The following ZBBX variants were observed in gnomAD, a reference collection of about 807,000 sequenced individuals.
The protein encoded by ZBBX is zinc finger B-box domain containing.
Under a neutral mutation model 108.5 loss-of-function variants are expected in ZBBX, and 101 were observed. The ratio of observed to expected loss-of-function variants is 0.93; its 90% CI spans 0.79 to 1.10. The LOEUF (loss-of-function observed/expected upper bound fraction) is 1.10. ZBBX is among the 50% of genes least tolerant of loss of function. ZBBX has a pLI of 0.00. For synonymous variants in ZBBX, 356 were observed against 323.4 expected, an observed-to-expected ratio of 1.10 and a Z score of -1.08; for missense variants, 1,009 against 941.4, an observed-to-expected ratio of 1.07 and a Z score of -0.94.
chr3:167,219,845 A>C, the ZBBX span, among the ~76,000 whole-genome samples: 1 of 151,958 alleles, frequency 6.6e-6, no homozygotes, highest in Admixed American at 6.6e-5. Context: ...GGTAAACAAA[A>C]TCAATAAACC....
At chr3:167,243,429 G>C (rs949682268) in intron 20 of ZBBX, among the ~76,000 whole-genome samples, 1 of 150,936 alleles carries the variant, frequency 6.6e-6, no homozygotes, top group Admixed American at 6.6e-5. Flanking sequence ...ACAGAATTTC[G>C]GTCTTGTTGC....
In ZBBX at chr3:167,397,493, C is replaced by T. The variant is rs185383065; in HGVS notation, c.-446+10233G>A. On this transcript the variant is annotated intron_variant, in intron 1 of 21. Coordinates refer to the ZBBX transcript ENST00000455345. ...GATTATTCCCTTACTTTATCTTCTT[C>T]GAAAGATTGCCTGGTCTCATATATT... Among the ~76,000 whole-genome samples, 27 of 151,830 alleles carry T rather than the reference C, an allele frequency of 1.8e-4. No homozygotes were observed. The East Asian group carries it at 3.1e-3, about 18-fold the overall frequency.
At chr3:167,192,907 T>G in the ZBBX span, among the ~76,000 whole-genome samples, 1 of 152,228 alleles carries the variant, frequency 6.6e-6, no homozygotes, top group Non-Finnish European at 1.5e-5. Flanking sequence ...GAGTTTACTT[T>G]AAACTGCTAT....
the ZBBX span, among the ~76,000 whole-genome samples, chr3:167,188,025 C>G: frequency 1.3e-5 from 2 of 151,914 alleles, no homozygotes; most frequent in Non-Finnish European, 2.9e-5. Context: ...ACATTAAAGA[C>G]AAACAGGAAA....
chr3:167,325,149 T>C (rs1737130446), intron 11 of ZBBX, among the ~76,000 whole-genome samples: 1 of 152,146 alleles, frequency 6.6e-6, no homozygotes, highest in Non-Finnish European at 1.5e-5. Flanking sequence ...CTTTCCAAAC[T>C]CGTGTGATAC....
intron 9 of ZBBX, among the ~76,000 whole-genome samples, chr3:167,349,898 G>A (rs1246427039): frequency 6.6e-6 from 1 of 151,942 alleles, no homozygotes; most frequent in Non-Finnish European, 1.5e-5. Context: ...ACTTGACAGG[G>A]TTTGAGTTTA....
chr3:167,314,053 A>G lies in ZBBX; in HGVS notation c.1338T>C (p.His446=). The G allele has an allele frequency of 2.5e-6, 4 of 1,607,228 alleles. No individual in the cohort carries two copies. The highest frequency in any genetic ancestry group is 3.4e-6 in the Non-Finnish European group (4 of 1,176,602). Residue 446 remains histidine, a synonymous_variant, in exon 16 of 22, where the codon CAT becomes CAC. Transcript: ENST00000675490. ...FPYENGIHQH[H]VFDKGKRDFL... ...AGTCTCTCTTTCCCTTATCGAAAAC[A>G]TGATGTTGATGGATGCCATTTTCAT...
intron 20 of ZBBX, among the ~76,000 whole-genome samples, chr3:167,274,483 G>A (rs975178639): frequency 2.0e-5 from 3 of 152,154 alleles, no homozygotes; most frequent in Non-Finnish European, 4.4e-5. Flanking sequence ...GGTCTGAAGA[G>A]AAAAGATTAT....
chr3:167,225,771 C>T, the ZBBX span, among the ~76,000 whole-genome samples: 1 of 151,770 alleles, frequency 6.6e-6, no homozygotes, highest in Non-Finnish European at 1.5e-5. Flanking sequence ...CCACAGTACT[C>T]CATCACCTGG....
intron 8 of ZBBX, among the ~76,000 whole-genome samples, chr3:167,355,964 A>G (rs1473720520): frequency 6.6e-6 from 1 of 151,950 alleles, no homozygotes; most frequent in African/African-American, 2.4e-5. Flanking sequence ...CTTGTCTGGG[A>G]CATCCTTCTT....
chr3:167,398,902 G>T (rs2108641774), intron 1 of ZBBX, among the ~76,000 whole-genome samples: 1 of 152,066 alleles, frequency 6.6e-6, no homozygotes, highest in Non-Finnish European at 1.5e-5. Flanking sequence ...TCTATTCATG[G>T]ATTAATAGAT....
intron 20 of ZBBX, among the ~76,000 whole-genome samples, chr3:167,276,015 G>A (rs1727505109): frequency 6.6e-6 from 1 of 152,142 alleles, no homozygotes; most frequent in Non-Finnish European, 1.5e-5. Flanking sequence ...CCCAGCAGGG[G>A]CAGACTGACA....
chr3:167,390,844 A>T (rs375085405), intron 1 of ZBBX, among the ~76,000 whole-genome samples: 7 of 152,142 alleles, frequency 4.6e-5, no homozygotes, highest in African/African-American at 1.7e-4. Context: ...TTGCATCCTG[A>T]GACTTTGCTG....
At chr3:167,391,584 G>A (rs879600692) in intron 1 of ZBBX, among the ~76,000 whole-genome samples, 2 of 151,930 alleles carry the variant, frequency 1.3e-5, no homozygotes, top group Non-Finnish European at 2.9e-5. Context: ...TTGTACCTCT[G>A]GTAGAATTTA....
At chr3:167,235,552 A>C (rs1284880661), downstream of ZBBX, among the ~76,000 whole-genome samples, 2 of 151,490 alleles carry the variant, frequency 1.3e-5, no homozygotes, top group African/African-American at 4.8e-5. Flanking sequence ...ATTCTTCTGG[A>C]TAGAAAGCAA....
At chr3:167,258,464 T>G (rs1428698532) in intron 20 of ZBBX, among the ~76,000 whole-genome samples, 1 of 152,190 alleles carries the variant, frequency 6.6e-6, no homozygotes, top group Non-Finnish European at 1.5e-5. Flanking sequence ...AGTGATAGTT[T>G]GCCTTCGTCT....
chr3:167,191,922 T>TAGAGAGAGAG, the ZBBX span, among the ~76,000 whole-genome samples: 14 of 123,986 alleles, frequency 1.1e-4, no homozygotes, highest in African/African-American at 3.9e-4. Flanking sequence ...TATATATATA[T>TAGAGAGAGAG]ATATATATAT....
the ZBBX span, among the ~76,000 whole-genome samples, chr3:167,205,896 T>A: frequency 1.3e-5 from 2 of 152,150 alleles, no homozygotes; most frequent in Admixed American, 1.3e-4. Context: ...TAGAAAAAAA[T>A]ATATAGTAAT....
rs1553832439 is a variant in ZBBX at position 167,348,296 on chromosome 3, A to AAGAAAGAG, written c.528+2116_528+2123dup. Among the ~76,000 whole-genome samples the AAGAAAGAG allele has an allele frequency of 5.9e-3, 639 of 108,784 alleles. 16 individuals are homozygous for AAGAAAGAG. The highest frequency in any genetic ancestry group is 0.016 in the African/African-American group (502 of 30,512). The allele number at this position is 108,784 out of a possible 152,430, so 71.4% of individuals were successfully genotyped here. A position where few individuals can be genotyped will look rare whatever the true frequency, so the allele number is the denominator to read the frequency against. ...GAAGGAAGGAAGGAAGGAAGGAAAG[A>AAGAAAGAG]AGAAAGAGAGAAAGAAAGAGAAAGA... is the stretch of plus-strand genomic sequence containing the variant. On this transcript the variant is annotated intron_variant, in intron 9 of 21. Coordinates refer to ENST00000675490, the MANE Select transcript of ZBBX (RefSeq NM_001199201.2).
Sources: gnomAD v4.1 joint callset for allele counts (sites outside exome capture counted in the v4.1 genomes callset) on GRCh38, gnomAD v4.1.1 for gene constraint, MANE v1.5 for transcripts, NCBI Gene and HGNC (gene_info 2026-07-23, HGNC 2026-07-21) for gene names.